The following KLHL5 variants were observed in gnomAD, a reference collection of about 807,000 sequenced individuals.
KLHL5 encodes kelch-like protein 5.
In KLHL5, 48 loss-of-function variants were observed where a neutral mutation model predicts 77.7. That is an observed-to-expected ratio of 0.62 (90% CI 0.49 to 0.79). The LOEUF (loss-of-function observed/expected upper bound fraction) is 0.79, where lower values mean the gene tolerates loss of function less well. Among genes scored for constraint, KLHL5 ranks in the 30% least tolerant of loss-of-function variants. The probability of loss-of-function intolerance (pLI) is 0.00; values close to 1 mark genes in which losing one functional copy is unlikely to be tolerated. For synonymous variants in KLHL5, 260 were observed against 297.0 expected, an observed-to-expected ratio of 0.88 and a Z score of 1.28; for missense variants, 723 against 859.7, an observed-to-expected ratio of 0.84 and a Z score of 1.99.
chr4:39,086,087 A>G (rs1373478051), intron 4 of KLHL5, among the ~76,000 whole-genome samples: 2 of 152,188 alleles, frequency 1.3e-5, no homozygotes, highest in Non-Finnish European at 2.9e-5. Context: ...CAAGCTCTCT[A>G]GGTATTTGGC....
chr4:39,139,693 A>T, the KLHL5 span, among the ~76,000 whole-genome samples: 1 of 152,210 alleles, frequency 6.6e-6, no homozygotes, highest in African/African-American at 2.4e-5. Flanking sequence ...GTGAACCTAA[A>T]AAACAAAATC....
At chr4:39,075,815 G>T in intron 1 of KLHL5, 150 bp from the exon 2 acceptor site, 1 of 622,554 alleles carries the variant, frequency 1.6e-6, no homozygotes, top group Non-Finnish European at 2.7e-6. Flanking sequence ...TGATTTTTAA[G>T]AGACTAAAAT....
intron 1 of KLHL5, among the ~76,000 whole-genome samples, chr4:39,074,485 C>G (rs1378320625): frequency 6.6e-6 from 1 of 152,170 alleles, no homozygotes. Flanking sequence ...CTGTTCTTAG[C>G]CACTTTAAGG....
At chr4:39,142,782 G>C in the KLHL5 span, among the ~76,000 whole-genome samples, 2 of 146,778 alleles carry the variant, frequency 1.4e-5, no homozygotes. Flanking sequence ...AAATTATGCT[G>C]AGTGAAAAAA....
Position 39,067,291 on chromosome 4 carries a change from G to C in KLHL5, c.383+4256G>C, listed in dbSNP as rs1717972356. On this transcript the variant is annotated intron_variant, in intron 1 of 10. Transcript: ENST00000504108. ...TTTGTAGAATGCCTTACTCAGTTGA[G>C]ATTTGTTTTCCCATAATTAGACTGA... Among the ~76,000 whole-genome samples the C allele has an allele frequency of 3.3e-5, 5 of 152,228 alleles. 1 individual carries two copies. The South Asian group carries it at 1.0e-3, about 32-fold the overall frequency.
Position 39,112,052 on chromosome 4 carries a change from T to A in KLHL5, c.1689-968T>A, listed in dbSNP as rs1450114407. On this transcript the variant is annotated intron_variant, in intron 8 of 10. Coordinates refer to ENST00000504108, the MANE Select transcript of KLHL5 (RefSeq NM_015990.5). ...TCTTTTCTATGAGCAACAACGTAAATTTACTCTTTTAAAAAACTAGTAGAA... is the reference window on the plus strand; with the variant it reads ...TCTTTTCTATGAGCAACAACGTAAAATTACTCTTTTAAAAAACTAGTAGAA... 4.6e-5 allele frequency among the ~76,000 whole-genome samples: 7 copies of A among 152,132 alleles called. No homozygotes were observed. The East Asian group carries it at 1.3e-3, about 29-fold the overall frequency.
chr4:39,107,346 G>C (rs2566158), intron 7 of KLHL5, among the ~76,000 whole-genome samples: 43,237 of 151,384 alleles, frequency 0.29, 7,234 homozygotes, highest in African/African-American at 0.48. Flanking sequence ...CCGTGCCTGG[G>C]CAGTCTCTAG....
At chr4:39,045,031 C>A (rs76308346), upstream of KLHL5, 2 of 994,134 alleles carry the variant, frequency 2.0e-6, no homozygotes, top group East Asian at 1.1e-4. Flanking sequence ...CCCCCGCCTC[C>A]CCCGCTCCTC....
At chr4:39,069,562 ATAT>A (rs1718274911) in intron 1 of KLHL5, among the ~76,000 whole-genome samples, 1 of 84,720 alleles carries the variant, frequency 1.2e-5, no homozygotes. Context: ...ATATATATAT[ATAT>A]ATAAACCATA....
chr4:39,071,063 T>G (rs1174464798), intron 1 of KLHL5, among the ~76,000 whole-genome samples: 1 of 152,138 alleles, frequency 6.6e-6, no homozygotes, highest in Non-Finnish European at 1.5e-5. Flanking sequence ...TAAATTTCTG[T>G]TTTTGTCTGT....
Position 39,053,603 on chromosome 4 carries a change from C to T in KLHL5, c.-95+8507C>T, listed in dbSNP as rs1387702876. ...TTACAGTTTTCTTCCTTGTGCACAG[C>T]AAATATGTGCTTAACACTGACAAAA... On this transcript the variant is annotated intron_variant, in intron 1 of 11. Coordinates refer to the KLHL5 transcript ENST00000261425. Among the ~76,000 whole-genome samples, 6 of 151,872 alleles carry T rather than the reference C, an allele frequency of 4.0e-5. No individual in the cohort carries two copies. In the East Asian group the frequency reaches 1.2e-3, roughly 29 times the overall value.
chr4:39,115,863 C>G (rs1722797881), intron 10 of KLHL5: 1 of 998,684 alleles, frequency 1.0e-6, no homozygotes. Flanking sequence ...CTGGGAGGGT[C>G]TAGCACTTCT....
chr4:39,120,815 C>T (rs1423534233), intron 10 of KLHL5, among the ~76,000 whole-genome samples, 195 bp from the exon 11 acceptor site: 1 of 152,204 alleles, frequency 6.6e-6, no homozygotes, highest in Non-Finnish European at 1.5e-5. Flanking sequence ...CCCAAAACAA[C>T]TTAGTCTATG....
chr4:39,081,188 G>C lies in KLHL5; in HGVS notation c.652G>C (p.Glu218Gln). Residue 218 changes from glutamate (E) to glutamine (Q), a missense_variant, in exon 3 of 11, where the codon GAA (glutamate) becomes CAA (glutamine). Glu to Gln is a conservative substitution (Grantham distance 29). Coordinates refer to ENST00000504108, the MANE Select transcript of KLHL5 (RefSeq NM_015990.5). This position sits in a 1 kb window ranked among gnomAD's most constrained non-coding sequence, Gnocchi z 4.3. ...REARQEEIKMEGVEPNSLWSL... is the reference protein window; with the variant it reads ...REARQEEIKMQGVEPNSLWSL... ...GGCAAGACAAGAAGAAATAAAAATG[G>C]AAGGTGTAGAACCAAATTCGTTGTG... The C allele has an allele frequency of 1.2e-6, 2 of 1,612,976 alleles. No homozygotes were observed. Among genetic ancestry groups the C allele is most frequent in the Non-Finnish European group, 1.7e-6 (2 of 1,179,530 alleles).
Position 39,119,201 on chromosome 4 carries a change from T to C in KLHL5, c.2074-1809T>C, listed in dbSNP as rs143806343. 9.2e-5 allele frequency among the ~76,000 whole-genome samples: 14 copies of C among 152,344 alleles called. No homozygotes were observed. The East Asian group carries it at 2.3e-3, about 25-fold the overall frequency. On this transcript the variant is annotated intron_variant, in intron 10 of 10. Transcript: ENST00000504108. ...AATCACCCCATATCAAAATTGATCA[T>C]CAGTGTCCACATAGCTATTTTGCTT...
At chr4:39,084,477 A>C (rs993640859) in intron 4 of KLHL5, among the ~76,000 whole-genome samples, 1 of 152,200 alleles carries the variant, frequency 6.6e-6, no homozygotes, top group Non-Finnish European at 1.5e-5. Flanking sequence ...TCAATCTAGA[A>C]GACTTATAAA....
At position 39,123,085 on chromosome 4, in the gene KLHL5, C is replaced by A. The variant is rs1723318307; in HGVS notation, c.*2019C>A. On this transcript the variant is annotated 3_prime_UTR_variant, in exon 11 of 11. Transcript: ENST00000504108. ...GTATTTTAGGCAACTTAACTATAAA[C>A]AAATTTATTCATAGAAGCATTGTTG... Among the ~76,000 whole-genome samples, 1 of 152,054 alleles carries A rather than the reference C, an allele frequency of 6.6e-6. No homozygotes were observed. The highest frequency in any genetic ancestry group is 2.4e-5 in the African/African-American group (1 of 41,412).
At chr4:39,086,915 T>C (rs540669167) in intron 5 of KLHL5, among the ~76,000 whole-genome samples, 188 bp downstream of exon 5, 1 of 140,306 alleles carries the variant, frequency 7.1e-6, no homozygotes, top group Admixed American at 7.2e-5. Context: ...TTTTTTTTTT[T>C]TTTTTTTTTT....
chr4:39,096,542 G>A (rs150023553), intron 5 of KLHL5, 150 bp from the exon 6 acceptor site: 7,867 of 578,382 alleles, frequency 0.014, 87 homozygotes, highest in Non-Finnish European at 0.018. Flanking sequence ...TGTAAATCTT[G>A]TAAATGTTGC....
Sources: allele counts gnomAD v4.1 joint callset (sites outside exome capture counted in the v4.1 genomes callset), GRCh38; gene constraint gnomAD v4.1.1; non-coding constraint Gnocchi (gnomAD v3.1); transcripts MANE v1.5; gene names NCBI Gene and HGNC (gene_info 2026-07-23, HGNC 2026-07-21).